Variants in PPM1L observed in about 807,000 individuals in gnomAD.
PPM1L encodes protein phosphatase, Mg2+/Mn2+ dependent 1L, also known as protein phosphatase 1L.
Under a neutral mutation model 31.4 loss-of-function variants are expected in PPM1L, and 13 were observed. That is an observed-to-expected ratio of 0.41 (90% CI 0.27 to 0.66). The LOEUF is 0.66. Among genes scored for constraint, PPM1L ranks in the 30% least tolerant of loss-of-function variants. PPM1L has a pLI of 0.29. For synonymous variants in PPM1L, 184 were observed against 175.4 expected (o/e 1.05, Z -0.39); for missense variants, 326 against 453.7 (o/e 0.72, Z 2.56).
chr3:161,055,334 G>A (rs1040611071), intron 2 of PPM1L, among the ~76,000 whole-genome samples: 1 of 151,970 alleles, frequency 6.6e-6, no homozygotes, highest in Non-Finnish European at 1.5e-5. Flanking sequence ...GAGAGCTGCC[G>A]GGTACTTTAT....
chr3:160,991,693 C>A (rs6790705), intron 2 of PPM1L, among the ~76,000 whole-genome samples: 7,208 of 152,198 alleles, frequency 0.047, 432 homozygotes, highest in African/African-American at 0.12. Context: ...TTCCTAACGA[C>A]TGTGGCCTAA....
intron 2 of PPM1L, among the ~76,000 whole-genome samples, chr3:160,991,903 A>G (rs1433062952): frequency 6.6e-6 from 1 of 152,214 alleles, no homozygotes; most frequent in Non-Finnish European, 1.5e-5. Flanking sequence ...ATAACTAATA[A>G]TGATAACTAA....
Position 160,756,271 on chromosome 3 carries a change from C to T in PPM1L, c.-38C>T. 6.4e-7 allele frequency: 1 copy of T among 1,569,022 alleles called. No individual in the cohort carries two copies. The highest frequency in any genetic ancestry group is 8.7e-7 in the Non-Finnish European group (1 of 1,154,534). ...CCGGACCCGGCGAGCCTTCGGGGCG[C>T]GCGTCGCTGGTGGTGGTTGAGGCTC... On this transcript the variant is annotated 5_prime_UTR_variant, in exon 1 of 4. Coordinates refer to ENST00000498165, the MANE Select transcript of PPM1L (RefSeq NM_139245.4). This position sits in a 1 kb window ranked among gnomAD's most constrained non-coding sequence, Gnocchi z 6.2.
intron 1 of PPM1L, among the ~76,000 whole-genome samples, chr3:160,903,208 TTGTGTGTGTGTGTG>T (rs59232471): frequency 8.3e-6 from 1 of 120,036 alleles, no homozygotes; most frequent in African/African-American, 3.1e-5. Context: ...GTGTGTATGT[TTGTGTGTGTGTGTG>T]TGTGTGTGTG....
At chr3:160,914,783 A>G (rs1304967383) in intron 1 of PPM1L, among the ~76,000 whole-genome samples, 2 of 152,152 alleles carry the variant, frequency 1.3e-5, no homozygotes, top group African/African-American at 2.4e-5. Context: ...AGCATGATTT[A>G]TAATCCTTTG....
intron 1 of PPM1L, among the ~76,000 whole-genome samples, chr3:160,834,607 C>G (rs2108099914): frequency 6.6e-6 from 1 of 152,006 alleles, no homozygotes; most frequent in Middle Eastern, 3.4e-3. Flanking sequence ...AATCTTTTCT[C>G]CATCTATATA....
intron 2 of PPM1L, among the ~76,000 whole-genome samples, chr3:160,964,306 A>G (rs545273212): frequency 1.6e-5 from 2 of 127,084 alleles, no homozygotes; most frequent in African/African-American, 2.5e-5. Flanking sequence ...TAAACAGTCA[A>G]TCAACACATA....
intron 2 of PPM1L, among the ~76,000 whole-genome samples, chr3:161,029,487 T>C (rs909576922): frequency 4.6e-5 from 7 of 152,218 alleles, no homozygotes; most frequent in African/African-American, 1.7e-4. Context: ...GAAACCACTT[T>C]TAAACTTTGA....
intron 2 of PPM1L, among the ~76,000 whole-genome samples, chr3:160,963,798 A>G (rs1716046747): frequency 1.3e-5 from 2 of 152,204 alleles, no homozygotes; most frequent in South Asian, 4.1e-4. Context: ...TTGAGCAGCA[A>G]CAGATCCTCA....
intron 1 of PPM1L, among the ~76,000 whole-genome samples, chr3:160,824,631 G>A (rs1333781820): frequency 6.6e-6 from 1 of 152,098 alleles, no homozygotes; most frequent in Non-Finnish European, 1.5e-5. Flanking sequence ...GAATACGGAT[G>A]GATCACCATA....
At chr3:161,032,981 C>T (rs1718624642) in intron 2 of PPM1L, among the ~76,000 whole-genome samples, 2 of 151,318 alleles carry the variant, frequency 1.3e-5, no homozygotes, top group Non-Finnish European at 2.9e-5. Context: ...AGGCATGAGC[C>T]ACCGCCCCTG....
In PPM1L at chr3:160,772,826, G is replaced by A. The variant is rs560888612; in HGVS notation, c.399+16119G>A. Among the ~76,000 whole-genome samples, 6 of 152,108 alleles carry A rather than the reference G, an allele frequency of 3.9e-5. No homozygotes were observed. The South Asian group carries it at 1.2e-3, about 32-fold the overall frequency. On this transcript the variant is annotated intron_variant, in intron 1 of 3. Transcript: ENST00000498165. ...TATAAATAGAAATATGCAGTATGTA[G>A]TCTTTTTTTCTGGCCTTTTTTTTCT...
intron 2 of PPM1L, among the ~76,000 whole-genome samples, chr3:161,061,584 C>T (rs1158511168): frequency 6.6e-6 from 1 of 152,152 alleles, no homozygotes; most frequent in South Asian, 2.1e-4. Flanking sequence ...AACAATATAA[C>T]ATCATACAAA....
chr3:160,887,335 A>T (rs1467612218), intron 1 of PPM1L, among the ~76,000 whole-genome samples: 1 of 152,128 alleles, frequency 6.6e-6, no homozygotes, highest in Non-Finnish European at 1.5e-5. Context: ...ACAGGCCAAC[A>T]TGCAAATTCA....
intron 1 of PPM1L, among the ~76,000 whole-genome samples, chr3:160,849,268 TA>T (rs1008380701): frequency 1.3e-5 from 2 of 152,200 alleles, no homozygotes; most frequent in Non-Finnish European, 2.9e-5. Flanking sequence ...ACCCTAGACC[TA>T]GAATGACTTG....
At chr3:161,043,192 T>G (rs1718961633) in intron 2 of PPM1L, among the ~76,000 whole-genome samples, 1 of 152,014 alleles carries the variant, frequency 6.6e-6, no homozygotes, top group African/African-American at 2.4e-5. Flanking sequence ...TTCTTAGCAG[T>G]CAACCAGAGG....
At chr3:160,983,494 A>C (rs1257932909) in intron 2 of PPM1L, among the ~76,000 whole-genome samples, 1 of 152,210 alleles carries the variant, frequency 6.6e-6, no homozygotes, top group African/African-American at 2.4e-5. Context: ...GAGGTCAAAT[A>C]TGACAGATGT....
intron 1 of PPM1L, among the ~76,000 whole-genome samples, chr3:160,944,820 GTTATATATAACATATAT>G (rs1715296565): frequency 9.1e-5 from 2 of 22,092 alleles, no homozygotes; most frequent in African/African-American, 2.3e-4. Context: ...ACATATATAT[GTTATATATAACATATAT>G]ATGTTATATA....
At chr3:161,028,032 T>C (rs1718460173) in intron 2 of PPM1L, among the ~76,000 whole-genome samples, 1 of 152,146 alleles carries the variant, frequency 6.6e-6, no homozygotes, top group African/African-American at 2.4e-5. Context: ...GGCTGGCAAG[T>C]GGTGACACTA....
Sources: gnomAD v4.1 joint callset for allele counts (sites outside exome capture counted in the v4.1 genomes callset) on GRCh38, gnomAD v4.1.1 for gene constraint, Gnocchi (gnomAD v3.1) non-coding constraint, MANE v1.5 for transcripts, NCBI Gene and HGNC (gene_info 2026-07-23, HGNC 2026-07-21) for gene names.